Variants in SMTN observed in about 807,000 individuals in gnomAD.
The protein encoded by SMTN is smoothelin.
A neutral mutation model predicts 102.0 loss-of-function variants in SMTN; 58 were observed. The observed-to-expected ratio is 0.57, with a 90% CI of 0.46 to 0.71. The LOEUF (loss-of-function observed/expected upper bound fraction) is 0.71, where lower values mean the gene tolerates loss of function less well. Ranked by LOEUF, SMTN falls within the 30% of genes least tolerant of loss-of-function variation. The pLI, the probability that SMTN is intolerant of heterozygous loss-of-function variation, is 0.00. For synonymous variants in SMTN, 478 were observed against 497.9 expected, an observed-to-expected ratio of 0.96 and a Z score of 0.53; for missense variants, 1,185 against 1,241.7, an observed-to-expected ratio of 0.95 and a Z score of 0.69.
chr22:31,086,048 C>G (rs745433272), intron 2 of SMTN, among the ~76,000 whole-genome samples: 1 of 152,224 alleles, frequency 6.6e-6, no homozygotes, highest in Non-Finnish European at 1.5e-5. Context: ...GACCCTCTGT[C>G]CCCTCCAGCC....
At chr22:31,082,742 C>T in intron 1 of SMTN, 1 of 896,536 alleles carries the variant, frequency 1.1e-6, no homozygotes, top group Non-Finnish European at 1.7e-6. Context: ...CAGCCCACAG[C>T]CAGAAGCTGA....
At chr22:31,088,258 C>G (rs1013065017) in intron 3 of SMTN, 145 bp downstream of exon 3, 7 of 1,040,264 alleles carry the variant, frequency 6.7e-6, no homozygotes, top group Admixed American at 2.8e-5. Flanking sequence ...TCTGGAAAAA[C>G]AGAGATGTTT....
Position 31,092,588 on chromosome 22 carries a change from C to T in SMTN, c.1632+741C>T, listed in dbSNP as rs1004462937. ...TGGGACTTTGGCTGAGGTGAGATGG[C>T]TAGACCAGCTTTGGGCCTTCTCAGG... On this transcript the variant is annotated intron_variant, in intron 11 of 20. Coordinates refer to ENST00000333137, the MANE Select transcript of SMTN (RefSeq NM_134269.3). The T allele has an allele frequency of 3.4e-5, 16 of 468,170 alleles. No individual in the cohort carries two copies. In the Middle Eastern group the frequency reaches 1.3e-3, roughly 38 times the overall value. 29.0% of individuals were successfully genotyped at this position (468,170 alleles called of 1,614,324 possible).
chr22:31,078,702 C>G (rs541703433), upstream of SMTN, among the ~76,000 whole-genome samples: 2 of 152,302 alleles, frequency 1.3e-5, no homozygotes, highest in South Asian at 4.1e-4. Context: ...GCCTTTCCCC[C>G]TCTTCTATGT....
chr22:31,082,992 C>T, intron 1 of SMTN, 187 bp from the exon 2 acceptor site: 1 of 1,435,700 alleles, frequency 7.0e-7, no homozygotes, highest in Non-Finnish European at 9.6e-7. Flanking sequence ...AGACCCCCTA[C>T]CCTGGGTTTG....
chr22:31,091,956 G>C (rs1377255838), intron 11 of SMTN, 109 bp downstream of exon 11: 19 of 1,093,630 alleles, frequency 1.7e-5, no homozygotes, highest in Non-Finnish European at 2.3e-5. Context: ...TGCACACACA[G>C]AGAAACCGAG....
Position 31,091,059 on chromosome 22 carries a change from A to G in SMTN, c.1036A>G (p.Arg346Gly). Residue 346 changes from arginine to glycine, a missense_variant, in exon 10 of 21, where the codon AGG becomes GGG. Coordinates refer to ENST00000333137, the MANE Select transcript of SMTN (RefSeq NM_134269.3). ...KFTSDSPMAA[R>G]LQDGTPQAAL... ...CACATCTGATTCTCCTATGGCTGCT[A>G]GGCTCCAGGATGGCACACCCCAGGC... 2 of 1,613,894 alleles carry G rather than the reference A, an allele frequency of 1.2e-6. No homozygotes were observed. Among genetic ancestry groups the G allele is most frequent in the Non-Finnish European group, 8.5e-7 (1 of 1,179,942 alleles).
chr22:31,075,385 A>G (rs2147498337), intron 1 of SMTN, among the ~76,000 whole-genome samples: 1 of 152,286 alleles, frequency 6.6e-6, no homozygotes, highest in African/African-American at 2.4e-5. Context: ...CCATCCATCA[A>G]AAGGGCTAAG....
chr22:31,085,409 G>A (rs1015823434), intron 2 of SMTN: 2 of 906,600 alleles, frequency 2.2e-6, no homozygotes, highest in Non-Finnish European at 3.2e-6. Flanking sequence ...GGCAACCGGG[G>A]GAGCTGGGAC....
chr22:31,104,451 C>G lies in SMTN; in HGVS notation c.*156C>G. ...TGCGACGCCACGAACTGCGCCTGCG[C>G]GGCAAGAATGTCTAGCCTGCCCGCC... On this transcript the variant is annotated 3_prime_UTR_variant, in exon 21 of 21. Coordinates refer to ENST00000333137, the MANE Select transcript of SMTN (RefSeq NM_134269.3). 3 of 1,613,808 alleles carry G rather than the reference C, an allele frequency of 1.9e-6. No homozygotes were observed. Among genetic ancestry groups the G allele is most frequent in the Non-Finnish European group, 1.7e-6 (2 of 1,180,004 alleles).
intron 16 of SMTN, among the ~76,000 whole-genome samples, chr22:31,097,578 C>T (rs1214761783): frequency 1.3e-5 from 2 of 152,098 alleles, no homozygotes; most frequent in African/African-American, 4.8e-5. Flanking sequence ...GTGGCAGGCA[C>T]CTGTAATCCC....
chr22:31,077,404 A>C (rs1241148316), upstream of SMTN, among the ~76,000 whole-genome samples: 11 of 152,024 alleles, frequency 7.2e-5, no homozygotes, highest in Middle Eastern at 3.4e-3. Context: ...ACAAAAAAAA[A>C]AACAACAAAA....
chr22:31,101,338 G>T, intron 20 of SMTN: 1 of 359,256 alleles, frequency 2.8e-6, no homozygotes, highest in South Asian at 4.6e-5. Context: ...AACTAAGCTG[G>T]GATCTGAACA....
intron 20 of SMTN, chr22:31,104,059 A>C (rs4820936): frequency 1.9e-6 from 1 of 514,276 alleles, no homozygotes; most frequent in South Asian, 2.7e-5. Flanking sequence ...CAGACCCAGG[A>C]CCTGCCTGAC....
In SMTN at chr22:31,096,774, C is replaced by T. The variant is rs376154356; in HGVS notation, c.1903C>T (p.Arg635Trp). Residue 635 changes from arginine (R) to tryptophan (W), a missense_variant, in exon 14 of 21, where the codon CGG (arginine) becomes TGG (tryptophan). Coordinates refer to ENST00000333137, the MANE Select transcript of SMTN (RefSeq NM_134269.3). The part of the protein sequence containing the change: ...KERERRLQEA[R>W]GRPGEGRGNT... ...GCGGGAACGGCGGCTGCAGGAGGCA[C>T]GGGGCCGGCCAGGGGAGGGGCGCGG... 28 of 1,559,830 alleles carry T rather than the reference C, an allele frequency of 1.8e-5. No homozygotes were observed. Among genetic ancestry groups the T allele is most frequent in the Middle Eastern group, 1.7e-4 (1 of 5,838 alleles).
intron 11 of SMTN, chr22:31,093,475 G>C (rs1225276959): frequency 1.6e-6 from 1 of 617,266 alleles, no homozygotes; most frequent in South Asian, 1.7e-5. Context: ...GCCTGGGCCT[G>C]AGCTGGCCGC....
chr22:31,085,558 C>G (rs1238388997), intron 2 of SMTN, among the ~76,000 whole-genome samples: 1 of 152,120 alleles, frequency 6.6e-6, no homozygotes, highest in Non-Finnish European at 1.5e-5. Flanking sequence ...GAAGCACCCT[C>G]TTTCCTCCCG....
chr22:31,099,669 A>G (rs2043916338), intron 18 of SMTN, 76 bp from the exon 19 acceptor site: 1 of 1,539,300 alleles, frequency 6.5e-7, no homozygotes, highest in African/African-American at 1.4e-5. Flanking sequence ...TAGGTCTGGA[A>G]TAACAGAATG....
At chr22:31,072,188 C>A (rs1379590490) in intron 1 of SMTN, among the ~76,000 whole-genome samples, 1 of 152,140 alleles carries the variant, frequency 6.6e-6, no homozygotes, top group Non-Finnish European at 1.5e-5. Context: ...TACCAGGATC[C>A]CCATCCCATG....
Sources: gnomAD v4.1 joint callset for allele counts (sites outside exome capture counted in the v4.1 genomes callset) on GRCh38, gnomAD v4.1.1 for gene constraint, MANE v1.5 for transcripts, NCBI Gene and HGNC (gene_info 2026-07-23, HGNC 2026-07-21) for gene names.